The following KRTAP12-3 variants were observed in gnomAD, a reference collection of about 807,000 sequenced individuals.
The protein encoded by KRTAP12-3 is keratin-associated protein 12-3.
Under a neutral mutation model 0.2 loss-of-function variants are expected in KRTAP12-3, and 1 was observed. The ratio of observed to expected loss-of-function variants is 4.14; its 90% CI spans 1.47 to 19.66. The LOEUF is 19.66. Ranked by LOEUF, KRTAP12-3 falls within the 30% of genes most tolerant of loss-of-function variation. The probability of loss-of-function intolerance (pLI) is 0.11; values close to 1 mark genes in which losing one functional copy is unlikely to be tolerated. For synonymous variants in KRTAP12-3, 61 were observed against 54.3 expected, an observed-to-expected ratio of 1.12 and a Z score of -0.54; for missense variants, 116 against 128.2, an observed-to-expected ratio of 0.90 and a Z score of 0.46.
chr21:44,658,143 G>A lies in KRTAP12-3; in HGVS notation c.164G>A (p.Cys55Tyr). 6.2e-7 allele frequency: 1 copy of A among 1,613,804 alleles called. No individual in the cohort carries two copies. The highest frequency in any genetic ancestry group is 8.5e-7 in the Non-Finnish European group (1 of 1,179,882). The change falls in exon 1 of 1, where the codon TGC becomes TAC. Residue 55 changes from cysteine to tyrosine, a missense_variant. Physicochemically the swap from Cys to Tyr is radical, Grantham distance 194 (BLOSUM62 -2). Transcript: ENST00000397907. ...GCTCCCTCCTGCCAGCCCTCCGTGT[G>A]CGTGCCCGTGAGCTGCAGGCCCATC... ...CVAPSCQPSV[C>Y]VPVSCRPIIY... is the part of the protein sequence containing the mutation.
the KRTAP12-3 span, chr21:44,658,032 GC>G: frequency 3.1e-6 from 5 of 1,613,968 alleles, no homozygotes; most frequent in South Asian, 5.5e-5. Context: ...TGCATACACA[GC>G]CCCTGCCAGG....
rs200685474 is a variant in KRTAP12-3, at chr21:44,658,304, G to A, written c.*34G>A. The A allele has an allele frequency of 1.3e-4, 211 of 1,590,944 alleles. 1 individual carries two copies. The highest frequency in any genetic ancestry group is 1.0e-4 in the South Asian group (9 of 89,196). ...TCCTGGTACACGGGGGTACACACCT[G>A]TATCCCTCCGTGAATAAGCATCTGG... On this transcript the variant is annotated 3_prime_UTR_variant, in exon 1 of 1. Coordinates refer to ENST00000397907, the MANE Select transcript of KRTAP12-3 (RefSeq NM_198697.2).
chr21:44,658,263 G>T lies in KRTAP12-3; in HGVS notation c.284G>T (p.Cys95Phe). The change falls in exon 1 of 1, where the codon TGC becomes TTC. Residue 95 changes from cysteine (C) to phenylalanine (F), a missense_variant. Physicochemically the swap from Cys to Phe is radical, Grantham distance 205. Transcript: ENST00000397907. ...CRPISCSTPSCC is the reference protein window; with the variant it reads ...CRPISCSTPSFC ...CCCATCTCCTGCAGCACCCCTTCCT[G>T]CTGCTGACCAGCTGCTCCTGGTACA... 6.2e-7 allele frequency: 1 copy of T among 1,613,266 alleles called. No homozygotes were observed. Among genetic ancestry groups the T allele is most frequent in the Non-Finnish European group, 8.5e-7 (1 of 1,179,386 alleles).
rs187686378 is a variant in KRTAP12-3, at chr21:44,658,200, G to C, written c.221G>C (p.Gly74Ala). 6 of 1,614,054 alleles carry C rather than the reference G, an allele frequency of 3.7e-6. No individual in the cohort carries two copies. The African/African-American group carries it at 5.3e-5, about 14-fold the overall frequency. ...IYVTPSCQSS[G>A]CCQPPCTTAL... ...GTGACTCCCTCTTGCCAATCTTCGG[G>C]GTGCTGCCAGCCCCCCTGCACCACT... is the stretch of plus-strand genomic sequence containing the variant. Residue 74 changes from glycine (G) to alanine (A), a missense_variant, in exon 1 of 1, where the codon GGG becomes GCG. Transcript: ENST00000397907.
At position 44,658,271 on chromosome 21, in the gene KRTAP12-3, C is replaced by T. The variant is rs1555943000; in HGVS notation, c.*1C>T. On this transcript the variant is annotated 3_prime_UTR_variant, in exon 1 of 1. Transcript: ENST00000397907. ...CTGCAGCACCCCTTCCTGCTGCTGA[C>T]CAGCTGCTCCTGGTACACGGGGGTA... 2 of 1,612,856 alleles carry T rather than the reference C, an allele frequency of 1.2e-6. No homozygotes were observed. The highest frequency in any genetic ancestry group is 1.1e-5 in the South Asian group (1 of 91,038).
Position 44,658,077 on chromosome 21 carries a change from C to T in KRTAP12-3, c.98C>T (p.Ser33Phe). ...SCYVPVSCQSSVCMPVSCTRI... is the reference protein window; with the variant it reads ...SCYVPVSCQSFVCMPVSCTRI... ...TATGTGCCCGTGAGCTGCCAGTCCT[C>T]CGTGTGCATGCCCGTGAGCTGCACG... Residue 33 changes from serine (S) to phenylalanine (F), a missense_variant, in exon 1 of 1, where the codon TCC (serine) becomes TTC (phenylalanine). Physicochemically the swap from Ser to Phe is radical, Grantham distance 155 (BLOSUM62 -2). Coordinates refer to ENST00000397907, the MANE Select transcript of KRTAP12-3 (RefSeq NM_198697.2). The T allele has an allele frequency of 6.2e-7, 1 of 1,613,716 alleles. No homozygotes were observed. Among genetic ancestry groups the T allele is most frequent in the Non-Finnish European group, 8.5e-7 (1 of 1,179,830 alleles).
chr21:44,658,254 C>A lies in KRTAP12-3; in HGVS notation c.275C>A (p.Thr92Asn). ...CTCTGCAGACCCATCTCCTGCAGCA[C>A]CCCTTCCTGCTGCTGACCAGCTGCT... ...TALCRPISCS[T>N]PSCC The change falls in exon 1 of 1, where the codon ACC (threonine) becomes AAC (asparagine). Residue 92 changes from threonine to asparagine, a missense_variant. Thr to Asn is a moderately conservative substitution (Grantham distance 65). Transcript: ENST00000397907. 1.9e-6 allele frequency: 3 copies of A among 1,613,552 alleles called. No homozygotes were observed. The highest frequency in any genetic ancestry group is 2.5e-6 in the Non-Finnish European group (3 of 1,179,538).
In KRTAP12-3 at chr21:44,658,115, G is replaced by C; in HGVS notation, c.136G>C (p.Val46Leu). The change falls in exon 1 of 1, where the codon GTG (valine) becomes CTG (leucine). Residue 46 changes from valine to leucine, a missense_variant. Coordinates refer to ENST00000397907, the MANE Select transcript of KRTAP12-3 (RefSeq NM_198697.2). ...CGTGAGCTGCACGCGCATTGTGTGC[G>C]TGGCTCCCTCCTGCCAGCCCTCCGT... Reference protein sequence around the residue: ...MPVSCTRIVCVAPSCQPSVCV... With the variant: ...MPVSCTRIVCLAPSCQPSVCV... 1 of 1,613,504 alleles carries C rather than the reference G, an allele frequency of 6.2e-7. No individual in the cohort carries two copies. The highest frequency in any genetic ancestry group is 1.1e-5 in the South Asian group (1 of 91,070).
rs1555942980 is a variant in KRTAP12-3 at position 44,658,240 on chromosome 21, C to T, written c.261C>T (p.Pro87=). 4 of 1,614,040 alleles carry T rather than the reference C, an allele frequency of 2.5e-6. No individual in the cohort carries two copies. Among genetic ancestry groups the T allele is most frequent in the East Asian group, 2.2e-5 (1 of 44,882 alleles). The change falls in exon 1 of 1, where the codon CCC becomes CCT. Residue 87 remains proline (P), a synonymous_variant. Transcript: ENST00000397907. ...QPPCTTALCR[P]ISCSTPSCC The stretch of plus-strand genomic sequence containing the variant: ...CCTGCACCACTGCCCTCTGCAGACC[C>T]ATCTCCTGCAGCACCCCTTCCTGCT...
At position 44,657,936 on chromosome 21, in the gene KRTAP12-3, C is replaced by T. The variant is rs114984685; in HGVS notation, c.-44C>T. 1,146 of 1,584,474 alleles carry T rather than the reference C, an allele frequency of 7.2e-4. 11 individuals are homozygous for T. In the African/African-American group the frequency reaches 0.012, roughly 17 times the overall value. On this transcript the variant is annotated 5_prime_UTR_variant, in exon 1 of 1. Coordinates refer to ENST00000397907, the MANE Select transcript of KRTAP12-3 (RefSeq NM_198697.2). ...GACCACCAGAGAAGCAGCTTCCAGA[C>T]ATCACCATCCTCCTCCCCAGTACCA...
chr21:44,658,150 C>T lies in KRTAP12-3; in HGVS notation c.171C>T (p.Pro57=), dbSNP rs587661101. The T allele has an allele frequency of 6.2e-5, 100 of 1,614,180 alleles. No homozygotes were observed. Among genetic ancestry groups the T allele is most frequent in the South Asian group, 6.1e-4 (56 of 91,088 alleles). Residue 57 remains proline (P), a synonymous_variant, in exon 1 of 1, where the codon CCC becomes CCT. Coordinates refer to ENST00000397907, the MANE Select transcript of KRTAP12-3 (RefSeq NM_198697.2). ...APSCQPSVCV[P]VSCRPIIYVT... ...CCTGCCAGCCCTCCGTGTGCGTGCC[C>T]GTGAGCTGCAGGCCCATCATATATG... is the stretch of plus-strand genomic sequence containing the variant.
Position 44,657,951 on chromosome 21 carries a change from C to G in KRTAP12-3, c.-29C>G, listed in dbSNP as rs1555942863. The stretch of plus-strand genomic sequence containing the variant: ...AGCTTCCAGACATCACCATCCTCCT[C>G]CCCAGTACCAGCCCAGCCACACGCC... On this transcript the variant is annotated 5_prime_UTR_variant, in exon 1 of 1. Coordinates refer to ENST00000397907, the MANE Select transcript of KRTAP12-3 (RefSeq NM_198697.2). 1.2e-6 allele frequency: 2 copies of G among 1,604,072 alleles called. No individual in the cohort carries two copies. The highest frequency in any genetic ancestry group is 3.3e-5 in the Admixed American group (2 of 59,792).
At chr21:44,658,219 C>A in the KRTAP12-3 span, 1 of 1,614,070 alleles carries the variant, frequency 6.2e-7, no homozygotes, top group Non-Finnish European at 8.5e-7. Context: ...AGCCCCCCTG[C>A]ACCACTGCCC....
chr21:44,658,329 GT>G lies in KRTAP12-3; in HGVS notation c.*60del. ...GTATCCCTCCGTGAATAAGCATCTG[GT>G]GGACCCCCAGATTGCACACATAGGG... On this transcript the variant is annotated 3_prime_UTR_variant, in exon 1 of 1. Transcript: ENST00000397907. 6.5e-7 allele frequency: 1 copy of G among 1,532,136 alleles called. No homozygotes were observed. The highest frequency in any genetic ancestry group is 9.0e-7 in the Non-Finnish European group (1 of 1,117,024). The allele number at this position is 1,532,136 out of a possible 1,614,324, so 94.9% of individuals were successfully genotyped here. A position where few individuals can be genotyped will look rare whatever the true frequency, so the allele number is the denominator to read the frequency against.
chr21:44,658,009 C>A, the KRTAP12-3 span: 3 of 1,613,764 alleles, frequency 1.9e-6, no homozygotes, highest in Non-Finnish European at 2.5e-6. Flanking sequence ...CCCCAGCCTG[C>A]CAGCCAACCT....
Position 44,658,330 on chromosome 21 carries a change from T to G in KRTAP12-3, c.*60T>G. Reference sequence around the variant, plus strand: ...TATCCCTCCGTGAATAAGCATCTGGTGGACCCCCAGATTGCACACATAGGG... The same window carrying G: ...TATCCCTCCGTGAATAAGCATCTGGGGGACCCCCAGATTGCACACATAGGG... On this transcript the variant is annotated 3_prime_UTR_variant, in exon 1 of 1. Transcript: ENST00000397907. The G allele has an allele frequency of 4.6e-6, 7 of 1,511,080 alleles. No individual in the cohort carries two copies. The highest frequency in any genetic ancestry group is 5.5e-6 in the Non-Finnish European group (6 of 1,098,144). 93.6% of individuals were successfully genotyped at this position (1,511,080 alleles called of 1,614,324 possible). A position where few individuals can be genotyped will look rare whatever the true frequency, so the allele number is the denominator to read the frequency against.
rs782337864 is a variant in KRTAP12-3, at chr21:44,658,190, C to A, written c.211C>A (p.Gln71Lys). 36 of 1,613,996 alleles carry A rather than the reference C, an allele frequency of 2.2e-5. No homozygotes were observed. In the Admixed American group the frequency reaches 2.5e-4, roughly 11 times the overall value. The change falls in exon 1 of 1, where the codon CAA (glutamine) becomes AAA (lysine). Residue 71 changes from glutamine to lysine, a missense_variant. Coordinates refer to ENST00000397907, the MANE Select transcript of KRTAP12-3 (RefSeq NM_198697.2). ...RPIIYVTPSC[Q>K]SSGCCQPPCT... is the part of the protein sequence containing the mutation. The stretch of plus-strand genomic sequence containing the variant: ...CATCATATATGTGACTCCCTCTTGC[C>A]AATCTTCGGGGTGCTGCCAGCCCCC...
Position 44,658,002 on chromosome 21 carries a change from C to A in KRTAP12-3, c.23C>A (p.Pro8Gln), listed in dbSNP as rs115752374. 3,601 of 1,613,710 alleles carry A rather than the reference C, an allele frequency of 2.2e-3. 73 individuals carry two copies. In the African/African-American group the frequency reaches 0.042, roughly 19 times the overall value. Residue 8 changes from proline (P) to glutamine (Q), a missense_variant, in exon 1 of 1, where the codon CCA becomes CAA. Coordinates refer to ENST00000397907, the MANE Select transcript of KRTAP12-3 (RefSeq NM_198697.2). ...ACCATGTGCCACACCAGCTGCTCCC[C>A]AGCCTGCCAGCCAACCTGCTGCATA... MCHTSCSPACQPTCCIHS... is the reference protein window; with the variant it reads MCHTSCSQACQPTCCIHS...
rs782252650 is a variant in KRTAP12-3 at position 44,658,018 on chromosome 21, C to G, written c.39C>G (p.Thr13=). ...GCTGCTCCCCAGCCTGCCAGCCAAC[C>G]TGCTGCATACACAGCCCCTGCCAGG... ...HTSCSPACQP[T]CCIHSPCQAS... is the part of the protein sequence containing the mutation. The change falls in exon 1 of 1, where the codon ACC becomes ACG. Residue 13 remains threonine (T), a synonymous_variant. Transcript: ENST00000397907. 6.2e-6 allele frequency: 10 copies of G among 1,613,992 alleles called. No individual in the cohort carries two copies. The highest frequency in any genetic ancestry group is 2.2e-5 in the South Asian group (2 of 91,056).
Sources: allele counts gnomAD v4.1 joint callset, GRCh38; gene constraint gnomAD v4.1.1; transcripts MANE v1.5; gene names NCBI Gene and HGNC (gene_info 2026-07-23, HGNC 2026-07-21).